Variants in RANBP17 observed in about 807,000 individuals in gnomAD.
RANBP17 encodes the protein ran-binding protein 17.
In RANBP17, 158 loss-of-function variants were observed where a neutral mutation model predicts 141.2. That is an observed-to-expected ratio of 1.12 (90% confidence interval 0.98 to 1.28). The LOEUF (loss-of-function observed/expected upper bound fraction) is 1.28, where lower values mean the gene tolerates loss of function less well. Ranked by LOEUF, RANBP17 falls within the 50% of genes most tolerant of loss-of-function variation. The probability of loss-of-function intolerance (pLI) is 0.00; values close to 1 mark genes in which losing one functional copy is unlikely to be tolerated. For missense variants in RANBP17, 1,438 were observed against 1,290.7 expected (o/e 1.11, Z -1.75); for synonymous variants, 430 against 450.0 (o/e 0.96, Z 0.56).
At chr5:170,877,795 G>A (rs1768313240) in intron 1 of RANBP17, among the ~76,000 whole-genome samples, 1 of 152,234 alleles carries the variant, frequency 6.6e-6, no homozygotes, top group Admixed American at 6.5e-5. Context: ...ATTCACTGTT[G>A]TAGGTCTCAG....
intron 5 of RANBP17, among the ~76,000 whole-genome samples, chr5:170,904,674 C>A (rs1770932700): frequency 6.6e-6 from 1 of 152,036 alleles, no homozygotes; most frequent in African/African-American, 2.4e-5. Context: ...AGACATTTGT[C>A]TTCAGAAAAA....
intron 12 of RANBP17, among the ~76,000 whole-genome samples, chr5:170,941,996 C>T (rs1259060664): frequency 6.6e-6 from 1 of 152,156 alleles, no homozygotes; most frequent in Non-Finnish European, 1.5e-5. Flanking sequence ...GGTTGCACAG[C>T]AGGAGGCGAG....
rs1168768188 is a variant in RANBP17, at chr5:170,914,287, TA to T, written c.834+49del. 6.7e-6 allele frequency: 8 copies of T among 1,192,376 alleles called. No homozygotes were observed. In the South Asian group the frequency reaches 9.9e-5, roughly 15 times the overall value. 73.9% of individuals were successfully genotyped at this position (1,192,376 alleles called of 1,614,324 possible). ...TTTCGTTAAAAAATACCTGTGTAAA[TA>T]AGGGGTGGTATATATTTACTTCAAA... On this transcript the variant is annotated intron_variant, in intron 8 of 27. Coordinates refer to ENST00000523189, the MANE Select transcript of RANBP17 (RefSeq NM_022897.5).
intron 14 of RANBP17, chr5:171,161,605 A>C (rs1759357957): frequency 5.7e-6 from 1 of 175,714 alleles, no homozygotes; most frequent in Non-Finnish European, 1.2e-5. Context: ...TTCCCTTTTT[A>C]TGCATTATAT....
chr5:171,065,927 C>T (rs773147554), intron 14 of RANBP17, among the ~76,000 whole-genome samples: 2 of 151,956 alleles, frequency 1.3e-5, no homozygotes, highest in African/African-American at 2.4e-5. Context: ...GTGGTATGGT[C>T]TCGGTGCACT....
intron 22 of RANBP17, among the ~76,000 whole-genome samples, chr5:171,237,259 C>T (rs928529087): frequency 2.6e-5 from 4 of 152,092 alleles, no homozygotes; most frequent in African/African-American, 9.7e-5. Flanking sequence ...AGGAGAACCC[C>T]AAGCAGTTCT....
chr5:171,112,286 A>G (rs552644465), intron 14 of RANBP17, among the ~76,000 whole-genome samples: 1 of 152,160 alleles, frequency 6.6e-6, no homozygotes, highest in South Asian at 2.1e-4. Context: ...GATTTTTCCT[A>G]CTTTGTTTCT....
chr5:170,862,605 G>C (rs545713049), intron 1 of RANBP17, among the ~76,000 whole-genome samples: 3 of 152,170 alleles, frequency 2.0e-5, no homozygotes, highest in Admixed American at 1.3e-4. Context: ...GCTGCGTCTG[G>C]GGGGAGTTGC....
intron 18 of RANBP17, among the ~76,000 whole-genome samples, chr5:171,188,576 T>C (rs1761420483): frequency 6.6e-6 from 1 of 152,226 alleles, no homozygotes; most frequent in South Asian, 2.1e-4. Context: ...AATGCTCTTT[T>C]AATAACACGG....
chr5:170,877,059 T>C (rs928193138), intron 1 of RANBP17, among the ~76,000 whole-genome samples: 3 of 152,152 alleles, frequency 2.0e-5, no homozygotes, highest in Non-Finnish European at 4.4e-5. Context: ...GGTTTCCATG[T>C]GTCCCAGATC....
chr5:171,002,622 G>A (rs1779292695), intron 14 of RANBP17, among the ~76,000 whole-genome samples: 2 of 152,124 alleles, frequency 1.3e-5, no homozygotes, highest in Non-Finnish European at 2.9e-5. Flanking sequence ...CAAGAGTGAA[G>A]GCCTGAGTTA....
In RANBP17 at chr5:170,905,886, G is replaced by A. The variant is rs535973685; in HGVS notation, c.490-3775G>A. ...CCCTGGAAATGAGAGTTTGTGCTGT[G>A]TTTAGATTATCACTGAAATAAGACT... On this transcript the variant is annotated intron_variant, in intron 5 of 27. Transcript: ENST00000523189. Among the ~76,000 whole-genome samples the A allele has an allele frequency of 2.6e-5, 4 of 152,208 alleles. No individual in the cohort carries two copies. In the East Asian group the frequency reaches 7.7e-4, roughly 29 times the overall value.
At chr5:171,127,322 C>A (rs1756548529) in intron 14 of RANBP17, among the ~76,000 whole-genome samples, 1 of 152,116 alleles carries the variant, frequency 6.6e-6, no homozygotes, top group Non-Finnish European at 1.5e-5. Context: ...AGGAATATAT[C>A]TCAACATAAG....
chr5:171,260,720 T>C (rs192208186), intron 24 of RANBP17, among the ~76,000 whole-genome samples: 1 of 152,222 alleles, frequency 6.6e-6, no homozygotes, highest in African/African-American at 2.4e-5. Context: ...TATAAATTTG[T>C]ACAAATTTAA....
At chr5:170,879,327 A>G (rs1042708828) in intron 2 of RANBP17, among the ~76,000 whole-genome samples, 3 of 152,256 alleles carry the variant, frequency 2.0e-5, no homozygotes, top group South Asian at 2.1e-4. Flanking sequence ...ACCACTTCCA[A>G]TTGAAGATTA....
chr5:171,043,572 A>G (rs1040233740), intron 14 of RANBP17, among the ~76,000 whole-genome samples: 1 of 152,214 alleles, frequency 6.6e-6, no homozygotes, highest in African/African-American at 2.4e-5. Flanking sequence ...AGGCTAGCCA[A>G]CAGTAAACAG....
At chr5:170,872,411 G>T (rs1767819616) in intron 1 of RANBP17, among the ~76,000 whole-genome samples, 1 of 152,144 alleles carries the variant, frequency 6.6e-6, no homozygotes, top group African/African-American at 2.4e-5. Context: ...GGAGTTTTTG[G>T]GCTGAGATGA....
chr5:171,037,920 G>A (rs528807027), intron 14 of RANBP17, among the ~76,000 whole-genome samples: 3 of 152,054 alleles, frequency 2.0e-5, no homozygotes, highest in African/African-American at 2.4e-5. Flanking sequence ...TTTCTGTTCT[G>A]TATGAATTTT....
intron 1 of RANBP17, among the ~76,000 whole-genome samples, chr5:170,868,248 G>T (rs1767435883): frequency 6.6e-6 from 1 of 151,878 alleles, no homozygotes; most frequent in Non-Finnish European, 1.5e-5. Context: ...GTCTGTTTTT[G>T]TGTGTGTGTG....
Sources: gnomAD v4.1 joint callset for allele counts (sites outside exome capture counted in the v4.1 genomes callset) on GRCh38, gnomAD v4.1.1 for gene constraint, MANE v1.5 for transcripts, NCBI Gene and HGNC (gene_info 2026-07-23, HGNC 2026-07-21) for gene names.